CNTNAP4: variants seen among roughly 807,000 people sequenced by gnomAD.
The protein encoded by CNTNAP4 is contactin associated protein family member 4.
Under a neutral mutation model 148.4 loss-of-function variants are expected in CNTNAP4, and 98 were observed. The ratio of observed to expected loss-of-function variants is 0.66; its 90% CI spans 0.56 to 0.78. CNTNAP4 has a LOEUF of 0.78. CNTNAP4 is among the 30% of genes least tolerant of loss of function. CNTNAP4 has a pLI of 0.00. For missense variants in CNTNAP4, 1,935 were observed against 1,565.6 expected (o/e 1.24, Z -3.98); for synonymous variants, 730 against 565.1 (o/e 1.29, Z -4.14).
chr16:76,388,142 C>G (rs1022147581), intron 3 of CNTNAP4, among the ~76,000 whole-genome samples: 13 of 152,150 alleles, frequency 8.5e-5, no homozygotes, highest in Admixed American at 5.9e-4. Flanking sequence ...CAAGTTCCTA[C>G]TTTGTGGATT....
In CNTNAP4 at chr16:76,559,726, A is replaced by C. The variant is rs1021765796; in HGVS notation, c.*1043A>C. The stretch of plus-strand genomic sequence containing the variant: ...CACGAATCATCTTATATATTACCAA[A>C]AAAGAGACAAATTGAAGTATAGAGC... On this transcript the variant is annotated 3_prime_UTR_variant, in exon 24 of 24. Coordinates refer to ENST00000611870, the MANE Select transcript of CNTNAP4 (RefSeq NM_033401.5). 6.6e-6 allele frequency among the ~76,000 whole-genome samples: 1 copy of C among 152,152 alleles called. No individual in the cohort carries two copies. Among genetic ancestry groups the C allele is most frequent in the Non-Finnish European group, 1.5e-5 (1 of 68,022 alleles).
intron 3 of CNTNAP4, among the ~76,000 whole-genome samples, chr16:76,406,718 T>C (rs1171429113): frequency 6.6e-6 from 1 of 152,192 alleles, no homozygotes; most frequent in Non-Finnish European, 1.5e-5. Context: ...CTACATTCCC[T>C]TAAGCCAAAG....
intron 3 of CNTNAP4, among the ~76,000 whole-genome samples, chr16:76,425,646 G>C (rs938323673): frequency 1.3e-5 from 2 of 152,086 alleles, no homozygotes; most frequent in South Asian, 4.1e-4. Flanking sequence ...GCCTGTCTTG[G>C]GGGTAATATT....
chr16:76,321,298 A>G (rs1597184171), intron 2 of CNTNAP4, among the ~76,000 whole-genome samples: 1 of 152,212 alleles, frequency 6.6e-6, no homozygotes, highest in South Asian at 2.1e-4. Context: ...ATAGCAATCT[A>G]TATAGCGTTG....
intron 12 of CNTNAP4, among the ~76,000 whole-genome samples, chr16:76,489,092 GTTGAT>G (rs2082122702): frequency 6.6e-6 from 1 of 152,114 alleles, no homozygotes; most frequent in Non-Finnish European, 1.5e-5. Context: ...ATAATTAAAT[GTTGAT>G]TAAGGAGAGG....
chr16:76,304,874 C>G (rs1468950033), intron 1 of CNTNAP4, among the ~76,000 whole-genome samples: 2 of 152,152 alleles, frequency 1.3e-5, no homozygotes, highest in Admixed American at 6.6e-5. Context: ...AGTTTGTAAC[C>G]TTTAAGATAG....
intron 1 of CNTNAP4, among the ~76,000 whole-genome samples, chr16:76,315,206 T>A (rs1220185067): frequency 1.3e-5 from 2 of 151,998 alleles, no homozygotes; most frequent in African/African-American, 4.8e-5. Flanking sequence ...GCAACGTTGC[T>A]AGAAATCATA....
At chr16:76,417,168 T>C (rs1447729841) in intron 3 of CNTNAP4, among the ~76,000 whole-genome samples, 1 of 151,512 alleles carries the variant, frequency 6.6e-6, no homozygotes, top group African/African-American at 2.4e-5. Flanking sequence ...TCTGACAATC[T>C]CTTTAATTGG....
rs78965137 is a variant in CNTNAP4 at position 76,292,731 on chromosome 16, A to G, written c.85+14984A>G. Among the ~76,000 whole-genome samples, 541 of 152,270 alleles carry G rather than the reference A, an allele frequency of 3.6e-3. 5 individuals carry two copies. The highest frequency in any genetic ancestry group is 0.013 in the African/African-American group (533 of 41,566). On this transcript the variant is annotated intron_variant, in intron 1 of 23. Transcript: ENST00000611870. ...TATTTTTTTTTCTGTCTTTTTGAAG[A>G]AAAAATAGGCATCTTAAGAAAACAG...
chr16:76,354,847 C>T (rs930663213), intron 2 of CNTNAP4, among the ~76,000 whole-genome samples: 2 of 152,184 alleles, frequency 1.3e-5, no homozygotes, highest in Admixed American at 1.3e-4. Context: ...TTTTCCCAGA[C>T]TTAACAATGT....
At chr16:76,480,483 C>T (rs537345176) in intron 12 of CNTNAP4, among the ~76,000 whole-genome samples, 3 of 152,244 alleles carry the variant, frequency 2.0e-5, no homozygotes, top group East Asian at 1.9e-4. Context: ...TCATTGATCA[C>T]GCCTGTAATC....
chr16:76,344,222 A>G (rs1290267064), intron 2 of CNTNAP4, among the ~76,000 whole-genome samples: 2 of 151,886 alleles, frequency 1.3e-5, no homozygotes, highest in African/African-American at 4.9e-5. Context: ...ATATTTGCTT[A>G]TGTCTGTCCA....
At position 76,535,759 on chromosome 16, in the gene CNTNAP4, A is replaced by C; in HGVS notation, c.2970A>C (p.Ala990=). ...TCTTTTGTGACTGCACTTTCTCTGCATACACAGGGCCATTCTGCTCAAATG... is the reference window on the plus strand; with the variant it reads ...TCTTTTGTGACTGCACTTTCTCTGCCTACACAGGGCCATTCTGCTCAAATG... ...IGFFCDCTFS[A]YTGPFCSNEI... The change falls in exon 18 of 24, where the codon GCA becomes GCC. Residue 990 remains alanine (A), a synonymous_variant. Coordinates refer to ENST00000611870, the MANE Select transcript of CNTNAP4 (RefSeq NM_033401.5). 6.2e-7 allele frequency: 1 copy of C among 1,613,908 alleles called. No homozygotes were observed. Among genetic ancestry groups the C allele is most frequent in the Non-Finnish European group, 8.5e-7 (1 of 1,179,842 alleles).
chr16:76,502,544 C>T (rs2082691679), intron 15 of CNTNAP4, among the ~76,000 whole-genome samples: 1 of 152,112 alleles, frequency 6.6e-6, no homozygotes, highest in African/African-American at 2.4e-5. Context: ...ACTTAATTCT[C>T]ATGATTCAGT....
chr16:76,310,323 A>C (rs1960964292), intron 1 of CNTNAP4, among the ~76,000 whole-genome samples: 2 of 152,180 alleles, frequency 1.3e-5, no homozygotes, highest in Admixed American at 1.3e-4. Flanking sequence ...TCTGAATGAA[A>C]TCTTGACTAA....
intron 2 of CNTNAP4, among the ~76,000 whole-genome samples, chr16:76,348,109 A>G (rs1029656382): frequency 5.3e-5 from 8 of 152,092 alleles, no homozygotes; most frequent in African/African-American, 1.7e-4. Flanking sequence ...CAGGATTCTT[A>G]ATAATAAAGC....
chr16:76,283,118 A>T (rs1958750787), intron 1 of CNTNAP4, among the ~76,000 whole-genome samples: 1 of 151,972 alleles, frequency 6.6e-6, no homozygotes, highest in African/African-American at 2.4e-5. Flanking sequence ...GTAGACAACG[A>T]TTAGGGATAA....
chr16:76,442,125 G>GGGTCCT (rs1305650382), intron 4 of CNTNAP4, among the ~76,000 whole-genome samples: 20 of 152,156 alleles, frequency 1.3e-4, no homozygotes, highest in Non-Finnish European at 2.9e-4. Flanking sequence ...GTAATCACAA[G>GGGTCCT]GGTCCTTATA....
intron 13 of CNTNAP4, among the ~76,000 whole-genome samples, chr16:76,493,599 TTAAGAA>T (rs1286015382): frequency 6.6e-6 from 1 of 152,198 alleles, no homozygotes; most frequent in African/African-American, 2.4e-5. Context: ...GGCTCAGTAT[TTAAGAA>T]TAACTATTTT....
Sources: allele counts gnomAD v4.1 joint callset (sites outside exome capture counted in the v4.1 genomes callset), GRCh38; gene constraint gnomAD v4.1.1; transcripts MANE v1.5; gene names NCBI Gene and HGNC (gene_info 2026-07-23, HGNC 2026-07-21).